The following TET3 variants were observed in gnomAD, a reference collection of about 807,000 sequenced individuals.
The protein encoded by TET3 is tet methylcytosine dioxygenase 3.
TET3 carries 19 observed loss-of-function variants against 141.4 expected under a neutral mutation model. That is an observed-to-expected ratio of 0.13 (90% CI 0.09 to 0.20). The LOEUF (loss-of-function observed/expected upper bound fraction) is 0.20, where lower values mean the gene tolerates loss of function less well. Ranked by LOEUF, TET3 falls within the 10% of genes least tolerant of loss-of-function variation. The probability of loss-of-function intolerance (pLI) is 1.00; values close to 1 mark genes in which losing one functional copy is unlikely to be tolerated. For synonymous variants in TET3, 1,043 were observed against 980.9 expected (o/e 1.06, Z -1.18); for missense variants, 1,874 against 2,356.9 (o/e 0.80, Z 4.24).
chr2:74,109,234 C>T (rs1299421586), downstream of TET3, among the ~76,000 whole-genome samples: 1 of 152,136 alleles, frequency 6.6e-6, no homozygotes, highest in Non-Finnish European at 1.5e-5. Context: ...AAATATGCTG[C>T]CATCTCTTCT....
At chr2:74,033,252 C>T (rs1686852245) in intron 3 of TET3, among the ~76,000 whole-genome samples, 1 of 152,234 alleles carries the variant, frequency 6.6e-6, no homozygotes, top group Non-Finnish European at 1.5e-5. Context: ...CATCCTCTAT[C>T]ACGCAGAGGA....
intron 3 of TET3, among the ~76,000 whole-genome samples, chr2:74,037,117 T>C (rs1229626316): frequency 1.3e-5 from 2 of 152,120 alleles, no homozygotes; most frequent in African/African-American, 4.8e-5. Flanking sequence ...GTATGGAGGG[T>C]GCAGACATGG....
Position 74,010,572 on chromosome 2 carries a change from A to G in TET3, c.360+7406A>G, listed in dbSNP as rs150535050. On this transcript the variant is annotated intron_variant, in intron 3 of 11. Coordinates refer to ENST00000409262, the MANE Select transcript of TET3 (RefSeq NM_001287491.2). ...GTAGATTTCAGAAAAGAAACTGTCAATGCCTGGCCCCAGCCCCTGAGAGTC... is the reference window on the plus strand; with the variant it reads ...GTAGATTTCAGAAAAGAAACTGTCAGTGCCTGGCCCCAGCCCCTGAGAGTC... 7.4e-3 allele frequency among the ~76,000 whole-genome samples: 1,131 copies of G among 152,304 alleles called. 4 individuals carry two copies. Among genetic ancestry groups the G allele is most frequent in the Non-Finnish European group, 0.012 (797 of 68,022 alleles).
At chr2:74,034,553 T>C (rs1267832107) in intron 3 of TET3, among the ~76,000 whole-genome samples, 3 of 146,838 alleles carry the variant, frequency 2.0e-5, no homozygotes, top group Admixed American at 6.9e-5. Context: ...CAGTAGGACA[T>C]ATGTAGTCCT....
At position 74,047,409 on chromosome 2, in the gene TET3, T is replaced by G; in HGVS notation, c.1492T>G (p.Ser498Ala). The change falls in exon 4 of 12, where the codon TCC (serine) becomes GCC (alanine). Residue 498 changes from serine to alanine, a missense_variant. By Grantham distance (99) the Ser-to-Ala change is moderately conservative (BLOSUM62 1). Transcript: ENST00000409262. ...GGTCAAGGTGGAGGCACCCTCTTCCTCCCCGGCCCCGGCCCCATCCCCTGT... is the reference window on the plus strand; with the variant it reads ...GGTCAAGGTGGAGGCACCCTCTTCCGCCCCGGCCCCGGCCCCATCCCCTGT... Reference protein sequence around the residue: ...PKVKVEAPSSSPAPAPSPVLQ... With the variant: ...PKVKVEAPSSAPAPAPSPVLQ... The G allele has an allele frequency of 6.2e-7, 1 of 1,612,896 alleles. No individual in the cohort carries two copies. The highest frequency in any genetic ancestry group is 1.6e-4 in the Middle Eastern group (1 of 6,062).
intron 4 of TET3, among the ~76,000 whole-genome samples, chr2:74,052,730 C>T (rs528196937): frequency 7.1e-4 from 108 of 152,002 alleles, no homozygotes; most frequent in Middle Eastern, 3.4e-3. Context: ...ATTAGCTGGG[C>T]ATGGTGGCGG....
the TET3 span, among the ~76,000 whole-genome samples, chr2:74,116,097 C>G: frequency 6.7e-6 from 1 of 150,202 alleles, no homozygotes; most frequent in African/African-American, 2.5e-5. Context: ...AAATGGCCAA[C>G]AAATATATGA....
chr2:74,133,189 C>T, the TET3 span, among the ~76,000 whole-genome samples: 14 of 151,924 alleles, frequency 9.2e-5, no homozygotes, highest in South Asian at 4.2e-4. Context: ...GCTGGGATTA[C>T]GCGCGTGAGC....
chr2:74,052,494 C>T (rs1687996559), intron 4 of TET3, among the ~76,000 whole-genome samples: 1 of 145,458 alleles, frequency 6.9e-6, no homozygotes, highest in Non-Finnish European at 1.5e-5. Context: ...TCCATGAAGC[C>T]ATCTAAGAGC....
chr2:74,071,096 CTT>C (rs902400482), intron 4 of TET3, among the ~76,000 whole-genome samples: 9 of 152,150 alleles, frequency 5.9e-5, no homozygotes, highest in African/African-American at 2.2e-4. Context: ...AGGGCCCTCT[CTT>C]AGCTTGTAGA....
chr2:74,129,110 G>C, the TET3 span, among the ~76,000 whole-genome samples: 1 of 149,446 alleles, frequency 6.7e-6, no homozygotes, highest in East Asian at 2.0e-4. Flanking sequence ...GTGAGTTTAA[G>C]AACAGCCTGA....
intron 3 of TET3, among the ~76,000 whole-genome samples, chr2:74,023,957 A>G (rs1686205143): frequency 6.6e-6 from 1 of 152,042 alleles, no homozygotes; most frequent in Non-Finnish European, 1.5e-5. Flanking sequence ...ATCCCTCCTG[A>G]TTCAGTTTTT....
In TET3 at chr2:74,080,534, G is replaced by C; in HGVS notation, c.2622G>C (p.Lys874Asn). Reference sequence around the variant, plus strand: ...AGGGGAAAGCCATCCGGATCGAGAAGGTCATCTACACGGGGAAGGAGGGAA... The same window carrying C: ...AGGGGAAAGCCATCCGGATCGAGAACGTCATCTACACGGGGAAGGAGGGAA... ...GEKGKAIRIE[K>N]VIYTGKEGKS... Residue 874 changes from lysine to asparagine, a missense_variant, in exon 6 of 12, where the codon AAG (lysine) becomes AAC (asparagine). By Grantham distance (94) the Lys-to-Asn change is moderately conservative. Transcript: ENST00000409262. The C allele has an allele frequency of 6.2e-7, 1 of 1,613,032 alleles. No individual in the cohort carries two copies. The highest frequency in any genetic ancestry group is 8.5e-7 in the Non-Finnish European group (1 of 1,179,594).
chr2:74,108,413 CTA>C (rs1362148582), downstream of TET3, among the ~76,000 whole-genome samples: 3 of 152,190 alleles, frequency 2.0e-5, no homozygotes, highest in Non-Finnish European at 4.4e-5. Context: ...TTTTTCTCAT[CTA>C]TGTTTCTCTT....
chr2:74,085,077 AC>A (rs1558779951), intron 6 of TET3, among the ~76,000 whole-genome samples: 2 of 152,236 alleles, frequency 1.3e-5, no homozygotes, highest in South Asian at 4.1e-4. Context: ...AGCAATATGA[AC>A]ATACCTAATG....
Position 74,105,494 on chromosome 2 carries a change from G to A in TET3, c.*3318G>A, listed in dbSNP as rs1412365846. 2.8e-5 allele frequency: 11 copies of A among 397,876 alleles called. No individual in the cohort carries two copies. The highest frequency in any genetic ancestry group is 4.9e-5 in the Non-Finnish European group (11 of 226,008). 24.6% of individuals were successfully genotyped at this position (397,876 alleles called of 1,614,324 possible). A position where few individuals can be genotyped will look rare whatever the true frequency, so the allele number is the denominator to read the frequency against. On this transcript the variant is annotated 3_prime_UTR_variant, in exon 12 of 12. Transcript: ENST00000409262. ...ACTAAAGGTGTTGCATGGATTTGGG[G>A]GTCTTTCGGTTTTTGGTTTTGGGTC...
intron 2 of TET3, among the ~76,000 whole-genome samples, chr2:74,000,671 G>A (rs191670780): frequency 7.2e-4 from 109 of 152,282 alleles, no homozygotes; most frequent in African/African-American, 2.4e-3. Context: ...TCTCCCTGGG[G>A]TTGGCAGAGA....
At chr2:74,113,182 C>T in the TET3 span, among the ~76,000 whole-genome samples, 1 of 151,898 alleles carries the variant, frequency 6.6e-6, no homozygotes, top group African/African-American at 2.4e-5. Flanking sequence ...CGAGGTAGTT[C>T]GAGACCAGCC....
At chr2:73,984,467 C>T (rs1683892427), upstream of TET3, among the ~76,000 whole-genome samples, 1 of 152,092 alleles carries the variant, frequency 6.6e-6, no homozygotes, top group Non-Finnish European at 1.5e-5. The surrounding 1 kb of genome is among the most constrained non-coding windows in gnomAD (Gnocchi z 5.6). Flanking sequence ...CAGTCGGGCC[C>T]GGCGCTCAGG....
Sources: allele counts gnomAD v4.1 joint callset (sites outside exome capture counted in the v4.1 genomes callset), GRCh38; gene constraint gnomAD v4.1.1; non-coding constraint Gnocchi (gnomAD v3.1); transcripts MANE v1.5; gene names NCBI Gene and HGNC (gene_info 2026-07-23, HGNC 2026-07-21).